MACROH2A2: variants seen among roughly 807,000 people sequenced by gnomAD.
MACROH2A2 encodes macroH2A.2 histone, also known as core histone macro-H2A.2.
Under a neutral mutation model 37.6 loss-of-function variants are expected in MACROH2A2, and 6 were observed. That is an observed-to-expected ratio of 0.16 (90% CI 0.09 to 0.32). The LOEUF (loss-of-function observed/expected upper bound fraction) is 0.32, where lower values mean the gene tolerates loss of function less well. Ranked by LOEUF, MACROH2A2 falls within the 10% of genes least tolerant of loss-of-function variation. The pLI is 1.00. For missense variants in MACROH2A2, 290 were observed against 485.9 expected (o/e 0.60, Z 3.79); for synonymous variants, 192 against 202.7 (o/e 0.95, Z 0.45).
chr10:70,059,590 C>T (rs917317711), intron 1 of MACROH2A2, among the ~76,000 whole-genome samples: 7 of 152,044 alleles, frequency 4.6e-5, no homozygotes, highest in East Asian at 1.9e-4. Context: ...AGGCTGGTCT[C>T]GAACTCCTGA....
At chr10:70,074,312 A>G (rs2072127782) in intron 1 of MACROH2A2, among the ~76,000 whole-genome samples, 1 of 152,174 alleles carries the variant, frequency 6.6e-6, no homozygotes, top group South Asian at 2.1e-4. Flanking sequence ...CTGACTGTGA[A>G]GTTTCTCCCA....
intron 8 of MACROH2A2, among the ~76,000 whole-genome samples, chr10:70,111,276 ATAAAT>A (rs1246702779): frequency 5.9e-5 from 9 of 152,152 alleles, no homozygotes; most frequent in South Asian, 2.1e-4. Flanking sequence ...CCCAAAACAA[ATAAAT>A]TAATTTAATC....
rs867036297 is a variant in MACROH2A2 at position 70,079,561 on chromosome 10, G to A, written c.172+3731G>A. On this transcript the variant is annotated intron_variant, in intron 2 of 8. Transcript: ENST00000373255. Reference sequence around the variant, plus strand: ...GGCCACGTTGAGGGTTCGCGCGCGCGCGCGCACACACACACACACACACAC... The same window carrying A: ...GGCCACGTTGAGGGTTCGCGCGCGCACGCGCACACACACACACACACACAC... Among the ~76,000 whole-genome samples the A allele has an allele frequency of 4.6e-3, 382 of 83,668 alleles. 3 individuals are homozygous for A. Among genetic ancestry groups the A allele is most frequent in the African/African-American group, 0.015 (329 of 21,726 alleles). The allele number at this position is 83,668 out of a possible 152,430, so 54.9% of individuals were successfully genotyped here. A position where few individuals can be genotyped will look rare whatever the true frequency, so the allele number is the denominator to read the frequency against.
intron 2 of MACROH2A2, among the ~76,000 whole-genome samples, chr10:70,081,404 CAG>C (rs1292064132): frequency 6.6e-6 from 1 of 151,938 alleles, no homozygotes; most frequent in Non-Finnish European, 1.5e-5. Flanking sequence ...GGAGGTCACC[CAG>C]AGAGAGCACA....
At position 70,075,217 on chromosome 10, in the gene MACROH2A2, C is replaced by T. The variant is rs2072133048; in HGVS notation, c.-59-383C>T. Reference sequence around the variant, plus strand: ...AAGATAAACCTCCCCATCTCAAGACCCTTAGCTTAATCCCATCTGCAAAGT... The same window carrying T: ...AAGATAAACCTCCCCATCTCAAGACTCTTAGCTTAATCCCATCTGCAAAGT... On this transcript the variant is annotated intron_variant, in intron 1 of 8. Coordinates refer to ENST00000373255, the MANE Select transcript of MACROH2A2 (RefSeq NM_018649.3). The surrounding 1 kb of genome is among the most constrained non-coding windows in gnomAD (Gnocchi z 5.0). Among the ~76,000 whole-genome samples the T allele has an allele frequency of 6.6e-6, 1 of 152,192 alleles. No homozygotes were observed. Among genetic ancestry groups the T allele is most frequent in the African/African-American group, 2.4e-5 (1 of 41,452 alleles).
At chr10:70,086,791 T>C (rs2072214537) in intron 2 of MACROH2A2, among the ~76,000 whole-genome samples, 1 of 152,140 alleles carries the variant, frequency 6.6e-6, no homozygotes, top group Non-Finnish European at 1.5e-5. Context: ...GAGTGCTTCT[T>C]CCTCCCATGT....
intron 2 of MACROH2A2, among the ~76,000 whole-genome samples, chr10:70,082,416 CAAAAAAAAA>C (rs540113997): frequency 8.3e-6 from 1 of 120,888 alleles, no homozygotes; most frequent in Non-Finnish European, 1.8e-5. Flanking sequence ...GAAACTGTGT[CAAAAAAAAA>C]AAAAAGAAAA....
At chr10:70,065,816 C>A (rs1249565896) in intron 1 of MACROH2A2, among the ~76,000 whole-genome samples, 1 of 151,824 alleles carries the variant, frequency 6.6e-6, no homozygotes, top group Non-Finnish European at 1.5e-5. Context: ...GAGGGATAAT[C>A]AAAGACATAA....
intron 8 of MACROH2A2, among the ~76,000 whole-genome samples, chr10:70,111,139 C>T (rs1354284283): frequency 1.3e-5 from 2 of 152,096 alleles, no homozygotes; most frequent in East Asian, 1.9e-4. Context: ...CATGATGGTG[C>T]GCACTTGTAG....
In MACROH2A2 at chr10:70,095,868, C is replaced by G. The variant is rs531339300; in HGVS notation, c.688+115C>G. ...CCCTCCGCTGGGGTCCCATGTCAAG[C>G]TCTGTCTTTATGTGTAGTTGAACAG... On this transcript the variant is annotated intron_variant, in intron 6 of 8. Transcript: ENST00000373255. 493 of 626,202 alleles carry G rather than the reference C, an allele frequency of 7.9e-4. 1 individual carries two copies. In the African/African-American group the frequency reaches 7.9e-3, roughly 10 times the overall value. 38.8% of individuals were successfully genotyped at this position (626,202 alleles called of 1,614,324 possible). A position where few individuals can be genotyped will look rare whatever the true frequency, so the allele number is the denominator to read the frequency against.
At chr10:70,077,845 G>A (rs1195153028) in intron 2 of MACROH2A2, among the ~76,000 whole-genome samples, 2 of 152,258 alleles carry the variant, frequency 1.3e-5, no homozygotes, top group Non-Finnish European at 2.9e-5. Context: ...GAGACAGGGA[G>A]AGAACAGACT....
chr10:70,083,179 G>C (rs2072191298), intron 2 of MACROH2A2, among the ~76,000 whole-genome samples: 1 of 152,150 alleles, frequency 6.6e-6, no homozygotes. Flanking sequence ...CTTGGTCCCA[G>C]GTGGGGAGGC....
At chr10:70,092,442 CA>C (rs942508708) in intron 4 of MACROH2A2, among the ~76,000 whole-genome samples, 11 of 146,720 alleles carry the variant, frequency 7.5e-5, no homozygotes, top group East Asian at 2.0e-4. Context: ...CTTAAACAAA[CA>C]AAAAAAAAAG....
chr10:70,091,790 G>A lies in MACROH2A2; in HGVS notation c.313G>A (p.Val105Ile), dbSNP rs776155298. The change falls in exon 4 of 9, where the codon GTC (valine) becomes ATC (isoleucine). Residue 105 changes from valine (V) to isoleucine (I), a missense_variant. Physicochemically the swap from Val to Ile is conservative, Grantham distance 29. Transcript: ENST00000373255. ...AGGAGTGACCATCGCCAGTGGAGGC[G>A]TCCTGCCCAGAATTCACCCCGAACT... ...LKGVTIASGGVLPRIHPELLA... is the reference protein window; with the variant it reads ...LKGVTIASGGILPRIHPELLA... 10 of 1,613,936 alleles carry A rather than the reference G, an allele frequency of 6.2e-6. No individual in the cohort carries two copies. Among genetic ancestry groups the A allele is most frequent in the East Asian group, 4.5e-5 (2 of 44,880 alleles).
chr10:70,058,022 A>G (rs991824016), intron 1 of MACROH2A2, among the ~76,000 whole-genome samples: 1 of 152,194 alleles, frequency 6.6e-6, no homozygotes. Context: ...AGGAGCTGGT[A>G]GCTTTCCGAT....
At chr10:70,089,914 C>A in intron 2 of MACROH2A2, 146 bp from the exon 3 acceptor site, 1 of 686,354 alleles carries the variant, frequency 1.5e-6, no homozygotes, top group African/African-American at 1.8e-5. Context: ...CTTGAGTTCT[C>A]TTACGCTTCC....
At position 70,111,672 on chromosome 10, in the gene MACROH2A2, G is replaced by T; in HGVS notation, c.1108G>T (p.Asp370Tyr). Residue 370 changes from aspartate to tyrosine, a missense_variant, in exon 9 of 9, where the codon GAC becomes TAC. Around this residue, in one of 3 missense-constraint regions of MACROH2A2, gnomAD observed 130 missense variants for 257.1 expected, o/e 0.51. Transcript: ENST00000373255. ...GIYVQEMAKLDAK is the reference protein window; with the variant it reads ...GIYVQEMAKLYAK ...CTACGTGCAGGAGATGGCCAAGCTC[G>T]ACGCCAAGTAGCCGCCGCACTTTCC... The T allele has an allele frequency of 6.2e-7, 1 of 1,606,570 alleles. No individual in the cohort carries two copies. The highest frequency in any genetic ancestry group is 8.5e-7 in the Non-Finnish European group (1 of 1,175,852).
At chr10:70,095,196 G>C in intron 5 of MACROH2A2, among the ~76,000 whole-genome samples, 1 of 152,042 alleles carries the variant, frequency 6.6e-6, no homozygotes, top group Non-Finnish European at 1.5e-5. Flanking sequence ...ATGAAACTCC[G>C]TCTCTACTAA....
chr10:70,093,075 T>A (rs982294449), intron 4 of MACROH2A2, among the ~76,000 whole-genome samples: 24 of 151,774 alleles, frequency 1.6e-4, no homozygotes, highest in Non-Finnish European at 3.2e-4. Flanking sequence ...AGTGGCGAGA[T>A]CATAGCTCAC....
Sources: allele counts gnomAD v4.1 joint callset (sites outside exome capture counted in the v4.1 genomes callset), GRCh38; gene constraint gnomAD v4.1.1; regional missense constraint gnomAD v4.1.1; non-coding constraint Gnocchi (gnomAD v3.1); transcripts MANE v1.5; gene names NCBI Gene and HGNC (gene_info 2026-07-23, HGNC 2026-07-21).